BACE1: variants seen among roughly 807,000 people sequenced by gnomAD.
The protein encoded by BACE1 is APP beta-secretase.
Under a neutral mutation model 54.0 loss-of-function variants are expected in BACE1, and 21 were observed. That is an observed-to-expected ratio of 0.39 (90% CI 0.28 to 0.56). The LOEUF (loss-of-function observed/expected upper bound fraction) is 0.56. BACE1 is among the 20% of genes least tolerant of loss of function. The pLI is 0.63. For synonymous variants in BACE1, 232 were observed against 260.9 expected (o/e 0.89, Z 1.07); for missense variants, 511 against 661.2 (o/e 0.77, Z 2.49).
At chr11:117,289,899 C>A in intron 8 of BACE1, 92 bp from the exon 9 acceptor site, 1 of 1,173,058 alleles carries the variant, frequency 8.5e-7, no homozygotes, top group Admixed American at 2.0e-5. Flanking sequence ...TGAAATTAGC[C>A]CATGCAGAAG....
At chr11:117,294,711 C>T (rs995594404) in intron 3 of BACE1, among the ~76,000 whole-genome samples, 1 of 151,570 alleles carries the variant, frequency 6.6e-6, no homozygotes, top group Non-Finnish European at 1.5e-5. Context: ...TGATGAAACC[C>T]CATTTCTACT....
chr11:117,313,629 G>T (rs1450302376), intron 1 of BACE1, among the ~76,000 whole-genome samples: 1 of 152,114 alleles, frequency 6.6e-6, no homozygotes, highest in Non-Finnish European at 1.5e-5. Context: ...GTAGAAACAG[G>T]GTTTTGCTAT....
chr11:117,292,927 C>T lies in BACE1; in HGVS notation c.840+127G>A, dbSNP rs2305822. 9.5e-3 allele frequency: 11,433 copies of T among 1,201,332 alleles called. 491 individuals carry two copies. Among genetic ancestry groups the T allele is most frequent in the East Asian group, 0.087 (3,480 of 39,824 alleles). 74.4% of individuals were successfully genotyped at this position (1,201,332 alleles called of 1,614,324 possible). The stretch of plus-strand genomic sequence containing the variant: ...ATTAAGCCCCTGACTGTTCTAGGCT[C>T]AACTTCCAACCCTTTCTGCAGGTCC... On this transcript the variant is annotated intron_variant, in intron 5 of 8. Transcript: ENST00000313005.
chr11:117,303,393 C>G (rs2034766190), intron 1 of BACE1, among the ~76,000 whole-genome samples: 1 of 152,186 alleles, frequency 6.6e-6, no homozygotes, highest in South Asian at 2.1e-4. Context: ...CTAACAAGCC[C>G]CACAGGGAAA....
In BACE1 at chr11:117,314,989, G is replaced by T. The variant is rs28917237; in HGVS notation, c.261+546C>A. 9.5e-3 allele frequency among the ~76,000 whole-genome samples: 1,447 copies of T among 152,250 alleles called. 24 individuals are homozygous for T. The highest frequency in any genetic ancestry group is 0.033 in the African/African-American group (1,386 of 41,528). ...AGGAGCCTGTCCAGGGCTTCCGGGC[G>T]GAGTGCAGTCAGGGGGGCCTCGACA... On this transcript the variant is annotated intron_variant, in intron 1 of 8. Coordinates refer to ENST00000313005, the MANE Select transcript of BACE1 (RefSeq NM_012104.6).
chr11:117,293,868 C>T lies in BACE1; in HGVS notation c.705+3G>A. The T allele has an allele frequency of 6.2e-7, 1 of 1,611,548 alleles. No homozygotes were observed. Among genetic ancestry groups the T allele is most frequent in the Non-Finnish European group, 8.5e-7 (1 of 1,179,082 alleles). ...GACCTCCCCTCTCTGAGGACCTACT[C>T]ACCATGCTCCCTCCGACAGAGGCCA... On this transcript the variant is annotated splice_donor_region_variant and intron_variant, in intron 4 of 8. Coordinates refer to ENST00000313005, the MANE Select transcript of BACE1 (RefSeq NM_012104.6). This position sits in a 1 kb window ranked among gnomAD's most constrained non-coding sequence, Gnocchi z 4.1.
rs576602947 is a variant in BACE1 at position 117,288,195 on chromosome 11, T to A, written c.*1371A>T. 1 of 152,324 alleles carries A rather than the reference T, an allele frequency of 6.6e-6. No individual in the cohort carries two copies. Among genetic ancestry groups the A allele is most frequent in the African/African-American group, 2.4e-5 (1 of 41,450 alleles). The allele number at this position is 152,324 out of a possible 1,614,324, so 9.4% of individuals were successfully genotyped here. On this transcript the variant is annotated 3_prime_UTR_variant, in exon 9 of 9. Coordinates refer to ENST00000313005, the MANE Select transcript of BACE1 (RefSeq NM_012104.6). ...TGTGGTGGAGGACATAAGGAAGCCC[T>A]GAGGCTGCCATCCTTTCTCCAGGCA...
At chr11:117,298,090 T>G (rs2034643708) in intron 1 of BACE1, among the ~76,000 whole-genome samples, 1 of 152,094 alleles carries the variant, frequency 6.6e-6, no homozygotes, top group East Asian at 1.9e-4. Context: ...TCACTTGAGG[T>G]CAGGAGTTCA....
In BACE1 at chr11:117,289,788, C is replaced by T. The variant is rs377133972; in HGVS notation, c.1284G>A (p.Thr428=). Residue 428 remains threonine, a synonymous_variant, in exon 9 of 9, where the codon ACG becomes ACA. Coordinates refer to ENST00000313005, the MANE Select transcript of BACE1 (RefSeq NM_012104.6). ...TGACAAAAGGGCCTTCCACCGCTGC[C>T]GTCCTGAACTCATCGTGCACTGGGG... The part of the protein sequence containing the change: ...SACHVHDEFR[T]AAVEGPFVTL... 8 of 1,613,900 alleles carry T rather than the reference C, an allele frequency of 5.0e-6. No individual in the cohort carries two copies. Among genetic ancestry groups the T allele is most frequent in the Admixed American group, 3.3e-5 (2 of 60,002 alleles).
chr11:117,296,532 G>A (rs1229654546), intron 2 of BACE1, among the ~76,000 whole-genome samples: 1 of 152,172 alleles, frequency 6.6e-6, no homozygotes, highest in African/African-American at 2.4e-5. Context: ...CCGAGGGGAT[G>A]TGGGGTTTTC....
intron 3 of BACE1, 115 bp downstream of exon 3, chr11:117,295,016 A>G: frequency 1.8e-6 from 2 of 1,098,828 alleles, no homozygotes; most frequent in South Asian, 2.8e-5. Context: ...CTGTTAAATA[A>G]TCCTTTAAAC....
chr11:117,287,632 C>G lies in BACE1; in HGVS notation c.*1934G>C, dbSNP rs2034298066. 6.6e-6 allele frequency: 1 copy of G among 152,428 alleles called. No individual in the cohort carries two copies. The highest frequency in any genetic ancestry group is 1.9e-4 in the East Asian group (1 of 5,190). 9.4% of individuals were successfully genotyped at this position (152,428 alleles called of 1,614,324 possible). ...CCCAACATGGGTAGAAATTATAAAG[C>G]AAAATGTGGCATTTTCACTTCATGG... On this transcript the variant is annotated 3_prime_UTR_variant, in exon 9 of 9. Coordinates refer to ENST00000313005, the MANE Select transcript of BACE1 (RefSeq NM_012104.6).
At position 117,286,174 on chromosome 11, in the gene BACE1, TA is replaced by T. The variant is rs1272377092; in HGVS notation, c.*3391del. The T allele has an allele frequency of 6.6e-6, 1 of 152,570 alleles. No individual in the cohort carries two copies. Among genetic ancestry groups the T allele is most frequent in the East Asian group, 1.9e-4 (1 of 5,200 alleles). The allele number at this position is 152,570 out of a possible 1,614,324, so 9.5% of individuals were successfully genotyped here. ...ATTTTAATTTTTGAAGCAAGAAAGTTAGGGGGGGACATATTTCCTGTCCTGG... is the reference window on the plus strand; with the variant it reads ...ATTTTAATTTTTGAAGCAAGAAAGTTGGGGGGGACATATTTCCTGTCCTGG... On this transcript the variant is annotated 3_prime_UTR_variant, in exon 9 of 9. Transcript: ENST00000313005.
intron 1 of BACE1, among the ~76,000 whole-genome samples, chr11:117,307,538 C>G (rs2034857106): frequency 6.6e-6 from 1 of 152,338 alleles, no homozygotes; most frequent in East Asian, 1.9e-4. Flanking sequence ...TCTTGAACTC[C>G]TGACCTCAGG....
chr11:117,292,113 TGGG>T (rs2034457233), intron 5 of BACE1: 1 of 179,160 alleles, frequency 5.6e-6, no homozygotes, highest in African/African-American at 2.4e-5. Flanking sequence ...TTGTTAATCT[TGGG>T]TGGGCAGGTA....
chr11:117,288,760 G>C lies in BACE1; in HGVS notation c.*806C>G, dbSNP rs2034331141. 6.6e-6 allele frequency: 1 copy of C among 152,278 alleles called. No homozygotes were observed. The highest frequency in any genetic ancestry group is 2.1e-4 in the South Asian group (1 of 4,834). The allele number at this position is 152,278 out of a possible 1,614,324, so 9.4% of individuals were successfully genotyped here. A position where few individuals can be genotyped will look rare whatever the true frequency, so the allele number is the denominator to read the frequency against. The stretch of plus-strand genomic sequence containing the variant: ...CTTAGTGGGCACTTCATTTAAGAGA[G>C]CTAAAAAAGAGCTCTTTGGCTAGAT... On this transcript the variant is annotated 3_prime_UTR_variant, in exon 9 of 9. Coordinates refer to ENST00000313005, the MANE Select transcript of BACE1 (RefSeq NM_012104.6).
In BACE1 at chr11:117,297,205, A is replaced by T. The variant is rs2034621623; in HGVS notation, c.262-244T>A. On this transcript the variant is annotated intron_variant, in intron 1 of 8. Coordinates refer to ENST00000313005, the MANE Select transcript of BACE1 (RefSeq NM_012104.6). ...GTGCCCTCTGCAGGTCTGCTGAAAA[A>T]CCAACTGAAAAAAGGCAGATTAGTA... 4 of 454,614 alleles carry T rather than the reference A, an allele frequency of 8.8e-6. No homozygotes were observed. The South Asian group carries it at 1.5e-4, about 17-fold the overall frequency. 28.2% of individuals were successfully genotyped at this position (454,614 alleles called of 1,614,324 possible).
Position 117,316,097 on chromosome 11 carries a change from A to G in BACE1, c.-302T>C. 2.5e-6 allele frequency: 1 copy of G among 393,958 alleles called. No individual in the cohort carries two copies. Among genetic ancestry groups the G allele is most frequent in the Admixed American group, 4.5e-5 (1 of 22,438 alleles). 24.4% of individuals were successfully genotyped at this position (393,958 alleles called of 1,614,324 possible). On this transcript the variant is annotated 5_prime_UTR_variant, in exon 1 of 9. The change abolishes an upstream ATG in the 5' untranslated region. Coordinates refer to ENST00000313005, the MANE Select transcript of BACE1 (RefSeq NM_012104.6). The stretch of plus-strand genomic sequence containing the variant: ...CCCGGCGGGGCTGGGAGGGGCGGGC[A>G]TGGCGGGCCGGTGGCGGCTTCCCTG...
At chr11:117,311,982 T>C (rs1475599426) in intron 1 of BACE1, among the ~76,000 whole-genome samples, 1 of 152,356 alleles carries the variant, frequency 6.6e-6, no homozygotes, top group East Asian at 1.9e-4. Context: ...GAAAGATTGC[T>C]TTCTTCATGT....
Sources: gnomAD v4.1 joint callset for allele counts (sites outside exome capture counted in the v4.1 genomes callset) on GRCh38, gnomAD v4.1.1 for gene constraint, Gnocchi (gnomAD v3.1) non-coding constraint, MANE v1.5 for transcripts, NCBI Gene and HGNC (gene_info 2026-07-23, HGNC 2026-07-21) for gene names.